DNAH12: variants seen among roughly 807,000 people sequenced by gnomAD.
The protein encoded by DNAH12 is dynein axonemal heavy chain 12.
DNAH12 carries 285 observed loss-of-function variants against 371.5 expected under a neutral mutation model. That is an observed-to-expected ratio of 0.77 (90% confidence interval 0.70 to 0.85). The LOEUF is 0.85. Among genes scored for constraint, DNAH12 ranks in the 40% least tolerant of loss-of-function variants. The pLI is 0.00. For synonymous variants in DNAH12, 1,200 were observed against 1,213.0 expected (o/e 0.99, Z 0.22); for missense variants, 3,611 against 3,689.4 (o/e 0.98, Z 0.55).
At chr3:57,317,169 T>G (rs193187931) in intron 65 of DNAH12, among the ~76,000 whole-genome samples, 2 of 152,340 alleles carry the variant, frequency 1.3e-5, no homozygotes, top group South Asian at 4.1e-4. Context: ...TTGCGTGCAG[T>G]TGAACATGCA....
In DNAH12 at chr3:57,293,930, GA is replaced by G; in HGVS notation, c.11733del (p.Leu3913SerfsTer26). 6.7e-7 allele frequency: 1 copy of G among 1,501,410 alleles called. No homozygotes were observed. Among genetic ancestry groups the G allele is most frequent in the Non-Finnish European group, 8.9e-7 (1 of 1,121,850 alleles). 93.0% of individuals were successfully genotyped at this position (1,501,410 alleles called of 1,614,324 possible). A position where few individuals can be genotyped will look rare whatever the true frequency, so the allele number is the denominator to read the frequency against. On this transcript the variant is annotated frameshift_variant, in exon 74 of 74. Coordinates refer to ENST00000495027, the MANE Select transcript of DNAH12 (RefSeq NM_001366028.2). LOFTEE classifies it high-confidence loss of function. Reference protein sequence around the residue: ...SRIIKSDAYVCPLYKTSERKG... With the variant: ...SRIIKSDAYVXPLYKTSERKG... ...TTACGTTCACTTGTCTTGTAGAGGG[GA>G]CAGACATAGGCATCCGACTTTATAA...
At chr3:57,424,128 T>A (rs543374372) in intron 35 of DNAH12, among the ~76,000 whole-genome samples, 2 of 152,328 alleles carry the variant, frequency 1.3e-5, no homozygotes, top group South Asian at 4.1e-4. Flanking sequence ...TGTCCAAATT[T>A]GTTTAATATT....
intron 25 of DNAH12, among the ~76,000 whole-genome samples, chr3:57,447,104 G>C (rs909574244): frequency 6.6e-6 from 1 of 152,162 alleles, no homozygotes; most frequent in Non-Finnish European, 1.5e-5. Context: ...ATTGGGAAAA[G>C]AAACAGATGA....
Position 57,372,985 on chromosome 3 carries a change from A to G in DNAH12, c.8759+2386T>C, listed in dbSNP as rs982985661. Among the ~76,000 whole-genome samples, 15 of 152,226 alleles carry G rather than the reference A, an allele frequency of 9.9e-5. No homozygotes were observed. In the East Asian group the frequency reaches 1.9e-3, roughly 20 times the overall value. ...AAAGGGACAAAACAGTGAGGAAATA[A>G]TGGATAACTCAACAAATAGTGCTGG... is the stretch of plus-strand genomic sequence containing the variant. On this transcript the variant is annotated intron_variant, in intron 55 of 73. Coordinates refer to ENST00000495027, the MANE Select transcript of DNAH12 (RefSeq NM_001366028.2).
chr3:57,371,419 T>C (rs1307798356), intron 55 of DNAH12, among the ~76,000 whole-genome samples: 1 of 152,194 alleles, frequency 6.6e-6, no homozygotes, highest in African/African-American at 2.4e-5. Flanking sequence ...AAAATGTATT[T>C]GTATTTCTTA....
At chr3:57,455,094 G>T (rs1481263546) in intron 22 of DNAH12, among the ~76,000 whole-genome samples, 200 bp from the exon 23 acceptor site, 1 of 151,952 alleles carries the variant, frequency 6.6e-6, no homozygotes, top group Non-Finnish European at 1.5e-5. Flanking sequence ...ATTTATAAAA[G>T]AATGGAAAGA....
chr3:57,554,544 G>GTC, the DNAH12 span, among the ~76,000 whole-genome samples: 1 of 152,012 alleles, frequency 6.6e-6, no homozygotes, highest in Non-Finnish European at 1.5e-5. Context: ...CTCTCCCCTG[G>GTC]TCTCACCTTA....
At chr3:57,381,067 C>T (rs1271594102) in intron 50 of DNAH12, among the ~76,000 whole-genome samples, 3 of 151,962 alleles carry the variant, frequency 2.0e-5, no homozygotes, top group Non-Finnish European at 4.4e-5. Context: ...AGACAAATTC[C>T]GCACTTACCT....
At chr3:57,359,446 C>G (rs935833198) in intron 58 of DNAH12, among the ~76,000 whole-genome samples, 33 of 151,184 alleles carry the variant, frequency 2.2e-4, no homozygotes, top group African/African-American at 7.5e-4. Flanking sequence ...GTAATCCCAG[C>G]TACTCCAGAG....
chr3:57,533,512 C>G (rs1271650702), intron 2 of DNAH12, among the ~76,000 whole-genome samples: 3 of 152,108 alleles, frequency 2.0e-5, no homozygotes, highest in African/African-American at 7.2e-5. Flanking sequence ...CAGTGTACTA[C>G]CTGAGTATTG....
intron 11 of DNAH12, among the ~76,000 whole-genome samples, 153 bp downstream of exon 11, chr3:57,501,168 T>G (rs574355789): frequency 1.2e-4 from 18 of 152,212 alleles, no homozygotes; most frequent in Non-Finnish European, 1.8e-4. Context: ...AGTAAATGAA[T>G]GACTAAAGAA....
intron 69 of DNAH12, among the ~76,000 whole-genome samples, chr3:57,304,187 C>T (rs796232455): frequency 6.6e-6 from 1 of 152,246 alleles, no homozygotes; most frequent in African/African-American, 2.4e-5. Flanking sequence ...ACTCAGCCTG[C>T]GTGCACCCAG....
intron 35 of DNAH12, among the ~76,000 whole-genome samples, chr3:57,424,667 T>A (rs1011624895): frequency 2.7e-5 from 4 of 150,730 alleles, no homozygotes; most frequent in Non-Finnish European, 5.9e-5. Flanking sequence ...TCTCAGCTAC[T>A]CGGGAGGCTG....
chr3:57,334,801 G>T lies in DNAH12; in HGVS notation c.9814C>A (p.Pro3272Thr). The change falls in exon 61 of 74, where the codon CCT (proline) becomes ACT (threonine). Residue 3272 changes from proline (P) to threonine (T), a missense_variant. Pro to Thr is a conservative substitution (Grantham distance 38). Transcript: ENST00000495027. ...WEEICRASEF[P>T]AFRGLRQHFC... ...AATCACCTGAGTCCTCTGAAGGCAG[G>T]AAATTCACTTGCCCGACAGATTTCC... is the stretch of plus-strand genomic sequence containing the variant. 3 of 1,551,414 alleles carry T rather than the reference G, an allele frequency of 1.9e-6. No individual in the cohort carries two copies. The highest frequency in any genetic ancestry group is 2.6e-6 in the Non-Finnish European group (3 of 1,146,960).
chr3:57,386,972 G>A (rs1444907013), intron 46 of DNAH12, 114 bp downstream of exon 46: 1 of 152,220 alleles, frequency 6.6e-6, no homozygotes, highest in Non-Finnish European at 1.5e-5. Flanking sequence ...TGTAAACCAG[G>A]TTAAGTACAG....
At position 57,346,278 on chromosome 3, in the gene DNAH12, T is replaced by G. The variant is rs138369777; in HGVS notation, c.9674+5807A>C. Among the ~76,000 whole-genome samples the G allele has an allele frequency of 1.9e-3, 283 of 152,208 alleles. 1 individual carries two copies. The highest frequency in any genetic ancestry group is 6.3e-3 in the African/African-American group (262 of 41,550). On this transcript the variant is annotated intron_variant, in intron 60 of 73. Coordinates refer to ENST00000495027, the MANE Select transcript of DNAH12 (RefSeq NM_001366028.2). ...TATAGCTATGGATAAGTGAAATGAA[T>G]GACCACAGTGTTATAAGGCACGGGG...
In DNAH12 at chr3:57,509,158, G is replaced by C; in HGVS notation, c.524C>G (p.Pro175Arg). 3 of 1,613,426 alleles carry C rather than the reference G, an allele frequency of 1.9e-6. No homozygotes were observed. Among genetic ancestry groups the C allele is most frequent in the Non-Finnish European group, 2.5e-6 (3 of 1,179,816 alleles). Reference protein sequence around the residue: ...PVKSLEDEGGPLPESPVGLDY... With the variant: ...PVKSLEDEGGRLPESPVGLDY... ...TACTCACACAGGAGATTCAGGTAAA[G>C]GACCTCCTTCATCTTCAAGCGATTT... The change falls in exon 6 of 74, where the codon CCT becomes CGT. Residue 175 changes from proline to arginine, a missense_variant. This residue lies in a region of DNAH12 where 1,314 missense variants were observed against 1,398.7 expected (regional missense o/e 0.94). Coordinates refer to ENST00000495027, the MANE Select transcript of DNAH12 (RefSeq NM_001366028.2).
At chr3:57,506,112 T>C (rs1266847516) in intron 8 of DNAH12, among the ~76,000 whole-genome samples, 1 of 152,156 alleles carries the variant, frequency 6.6e-6, no homozygotes, top group Non-Finnish European at 1.5e-5. Context: ...TCACATTCTT[T>C]AGTAATTCTG....
intron 69 of DNAH12, among the ~76,000 whole-genome samples, chr3:57,302,565 G>GTTTTTTTTTTT (rs1407756841): frequency 5.9e-4 from 17 of 28,850 alleles, no homozygotes; most frequent in African/African-American, 1.2e-3. Flanking sequence ...ATATATATAT[G>GTTTTTTTTTTT]TATTTTTTTT....
Sources: gnomAD v4.1 joint callset for allele counts (sites outside exome capture counted in the v4.1 genomes callset) on GRCh38, gnomAD v4.1.1 for gene constraint, gnomAD v4.1.1 regional missense constraint, MANE v1.5 for transcripts, NCBI Gene and HGNC (gene_info 2026-07-23, HGNC 2026-07-21) for gene names.